The following YWHAE variants were observed in gnomAD, a reference collection of about 807,000 sequenced individuals.
YWHAE encodes tyrosine 3-monooxygenase/tryptophan 5-monooxygenase activation protein epsilon.
In YWHAE, 4 loss-of-function variants were observed where a neutral mutation model predicts 30.1. The ratio of observed to expected loss-of-function variants is 0.13; its 90% confidence interval spans 0.07 to 0.30. YWHAE has a LOEUF of 0.30. Among genes scored for constraint, YWHAE ranks in the 10% least tolerant of loss-of-function variants. YWHAE has a pLI of 1.00. For missense variants in YWHAE, 121 were observed against 315.9 expected, an observed-to-expected ratio of 0.38 and a Z score of 4.68; for synonymous variants, 118 against 111.8, an observed-to-expected ratio of 1.06 and a Z score of -0.35.
chr17:1,363,012 C>CT (rs1223490471), intron 2 of YWHAE, among the ~76,000 whole-genome samples: 1 of 152,130 alleles, frequency 6.6e-6, no homozygotes, highest in Non-Finnish European at 1.5e-5. Flanking sequence ...CCCAGATTCA[C>CT]TGAGTATCTA....
At chr17:1,375,179 A>G (rs1373476681) in intron 1 of YWHAE, among the ~76,000 whole-genome samples, 2 of 152,208 alleles carry the variant, frequency 1.3e-5, no homozygotes, top group African/African-American at 2.4e-5. Flanking sequence ...TAACGACTAC[A>G]ATGACACTCT....
chr17:1,366,427 A>G (rs1002130136), intron 1 of YWHAE, among the ~76,000 whole-genome samples: 1 of 151,768 alleles, frequency 6.6e-6, no homozygotes, highest in African/African-American at 2.4e-5. Flanking sequence ...AATTACAGCT[A>G]CTTGGGAAGC....
rs188058545 is a variant in YWHAE, at chr17:1,354,933, A to G, written c.579-586T>C. 6.6e-3 allele frequency among the ~76,000 whole-genome samples: 888 copies of G among 133,870 alleles called. 9 individuals are homozygous for G. The highest frequency in any genetic ancestry group is 0.022 in the African/African-American group (819 of 37,652). 87.8% of individuals were successfully genotyped at this position (133,870 alleles called of 152,430 possible). On this transcript the variant is annotated intron_variant, in intron 4 of 5. Coordinates refer to ENST00000264335, the MANE Select transcript of YWHAE (RefSeq NM_006761.5). ...AGCCTCAGCATCCCAAAGTGCTGGG[A>G]TTACAGGCGTGAGCCACCGCGCCCA...
intron 5 of YWHAE, among the ~76,000 whole-genome samples, chr17:1,346,675 A>G (rs1213655787): frequency 6.6e-6 from 1 of 152,198 alleles, no homozygotes; most frequent in African/African-American, 2.4e-5. Context: ...CAACACAGTG[A>G]AGCCCTGTCT....
At chr17:1,347,269 C>CT in intron 5 of YWHAE, among the ~76,000 whole-genome samples, 1 of 151,012 alleles carries the variant, frequency 6.6e-6, no homozygotes, top group Non-Finnish European at 1.5e-5. Context: ...GGAGGCGGAG[C>CT]TTTCAGTGAG....
At chr17:1,399,753 C>G (rs1033697837) in intron 1 of YWHAE, 4 of 294,302 alleles carry the variant, frequency 1.4e-5, no homozygotes, top group African/African-American at 8.9e-5. Context: ...CCCCCTCCCC[C>G]GCCCCGGGAC....
intron 5 of YWHAE, among the ~76,000 whole-genome samples, chr17:1,347,171 CA>C (rs11348283): frequency 0.51 from 63,900 of 125,238 alleles, 15,741 homozygotes; most frequent in East Asian, 0.6. Context: ...ACTAAAAATA[CA>C]AAAAAAAAAA....
In YWHAE at chr17:1,344,638, T is replaced by A; in HGVS notation, c.*809A>T. 1 of 230,208 alleles carries A rather than the reference T, an allele frequency of 4.3e-6. No homozygotes were observed. Among genetic ancestry groups the A allele is most frequent in the East Asian group, 6.2e-5 (1 of 16,220 alleles). The allele number at this position is 230,208 out of a possible 1,614,324, so 14.3% of individuals were successfully genotyped here. A position where few individuals can be genotyped will look rare whatever the true frequency, so the allele number is the denominator to read the frequency against. On this transcript the variant is annotated 3_prime_UTR_variant, in exon 6 of 6. Coordinates refer to ENST00000264335, the MANE Select transcript of YWHAE (RefSeq NM_006761.5). ...ACAGATTCTGTATCTGTGGCTCCAG[T>A]CAGATATCCAGTAGTACAAATTAGC...
intron 1 of YWHAE, among the ~76,000 whole-genome samples, chr17:1,392,730 G>GTCTCAGC (rs1462734903): frequency 4.0e-5 from 6 of 151,780 alleles, no homozygotes; most frequent in African/African-American, 1.5e-4. Flanking sequence ...CAAGTCTGTA[G>GTCTCAGC]TCTCAGCTAC....
intron 1 of YWHAE, among the ~76,000 whole-genome samples, chr17:1,374,564 A>G (rs1000031424): frequency 6.6e-6 from 1 of 152,140 alleles, no homozygotes; most frequent in African/African-American, 2.4e-5. Context: ...GCAACACAGG[A>G]TTCTAATCTG....
Position 1,388,112 on chromosome 17 carries a change from TGGTTG to T in YWHAE, c.64+11930_64+11934del, listed in dbSNP as rs149301447. 7.3e-4 allele frequency among the ~76,000 whole-genome samples: 47 copies of T among 64,088 alleles called. 1 individual carries two copies. The highest frequency in any genetic ancestry group is 0.012 in the Middle Eastern group (1 of 82). The allele number at this position is 64,088 out of a possible 152,430, so 42.0% of individuals were successfully genotyped here. Reference sequence around the variant, plus strand: ...CCTGGGTAATTTTTGTTTTTTTTTTTGGTTGGTTTTTTTTTTTTTTTTTTTTTTTT... The same window carrying T: ...CCTGGGTAATTTTTGTTTTTTTTTTTGTTTTTTTTTTTTTTTTTTTTTTTT... On this transcript the variant is annotated intron_variant, in intron 1 of 5. Transcript: ENST00000264335.
intron 2 of YWHAE, among the ~76,000 whole-genome samples, chr17:1,364,378 C>T (rs766583507): frequency 6.6e-6 from 1 of 152,052 alleles, no homozygotes; most frequent in African/African-American, 2.4e-5. Context: ...AGGCTCCCGC[C>T]ACCACGCCCA....
At chr17:1,363,939 G>A (rs67679211) in intron 2 of YWHAE, among the ~76,000 whole-genome samples, 13,912 of 152,140 alleles carry the variant, frequency 0.091, 899 homozygotes, top group Non-Finnish European at 0.14. Context: ...ATGGTTAGCA[G>A]CACCCCAGTC....
chr17:1,374,993 C>T (rs1289308821), intron 1 of YWHAE, among the ~76,000 whole-genome samples: 1 of 152,114 alleles, frequency 6.6e-6, no homozygotes, highest in African/African-American at 2.4e-5. Flanking sequence ...ATGATCACAG[C>T]GCACTATGTA....
chr17:1,377,386 C>G (rs1173901293), intron 1 of YWHAE, among the ~76,000 whole-genome samples: 1 of 152,032 alleles, frequency 6.6e-6, no homozygotes, highest in African/African-American at 2.4e-5. Flanking sequence ...ATTCCTTAGC[C>G]CAAGAACAGT....
chr17:1,398,408 A>G (rs543013488), intron 1 of YWHAE, among the ~76,000 whole-genome samples: 45 of 149,190 alleles, frequency 3.0e-4, no homozygotes, highest in East Asian at 2.1e-4. Flanking sequence ...TTAGTTCACT[A>G]TATTTCCTAA....
intron 4 of YWHAE, among the ~76,000 whole-genome samples, chr17:1,356,189 CA>C: frequency 1.9e-5 from 1 of 51,394 alleles, no homozygotes; most frequent in East Asian, 5.3e-4. Context: ...CACACACACA[CA>C]CACACACACA....
chr17:1,375,074 C>A (rs2073102802), intron 1 of YWHAE, among the ~76,000 whole-genome samples: 1 of 152,178 alleles, frequency 6.6e-6, no homozygotes, highest in Non-Finnish European at 1.5e-5. Context: ...TAGGTGCACA[C>A]TACCAAGCAC....
Position 1,361,080 on chromosome 17 carries a change from C to T in YWHAE, c.578+12G>A. ...TTCACGCTGAGCGCTGCTGTTCTTC[C>T]CCACAACTTACCTGCAGGCACGGTC... On this transcript the variant is annotated intron_variant, in intron 4 of 5. Coordinates refer to ENST00000264335, the MANE Select transcript of YWHAE (RefSeq NM_006761.5). The T allele has an allele frequency of 6.2e-7, 1 of 1,613,232 alleles. No homozygotes were observed. Among genetic ancestry groups the T allele is most frequent in the Non-Finnish European group, 8.5e-7 (1 of 1,179,258 alleles).
Sources: gnomAD v4.1 joint callset for allele counts (sites outside exome capture counted in the v4.1 genomes callset) on GRCh38, gnomAD v4.1.1 for gene constraint, MANE v1.5 for transcripts, NCBI Gene and HGNC (gene_info 2026-07-23, HGNC 2026-07-21) for gene names.